KCNMA1: variants seen among roughly 807,000 people sequenced by gnomAD.
KCNMA1 encodes the protein Calcium-activated potassium channel subunit alpha-1.
KCNMA1 carries 29 observed loss-of-function variants against 140.0 expected under a neutral mutation model. The ratio of observed to expected loss-of-function variants is 0.21; its 90% CI spans 0.15 to 0.28. The LOEUF is 0.28. Ranked by LOEUF, KCNMA1 falls within the 10% of genes least tolerant of loss-of-function variation. The pLI, the probability that KCNMA1 is intolerant of heterozygous loss-of-function variation, is 1.00. For synonymous variants in KCNMA1, 612 were observed against 611.9 expected, an observed-to-expected ratio of 1.00 and a Z score of 0.00; for missense variants, 880 against 1,602.2, an observed-to-expected ratio of 0.55 and a Z score of 7.70.
At chr10:77,612,564 G>A (rs1052344685) in intron 1 of KCNMA1, among the ~76,000 whole-genome samples, 1 of 152,214 alleles carries the variant, frequency 6.6e-6, no homozygotes. Flanking sequence ...AAGACCACAT[G>A]CAACTCATAG....
intron 14 of KCNMA1, among the ~76,000 whole-genome samples, chr10:77,041,788 G>A (rs891705853): frequency 3.3e-5 from 5 of 152,144 alleles, no homozygotes; most frequent in South Asian, 2.1e-4. Flanking sequence ...AAGCCACCCC[G>A]CCAACAGGAA....
intron 3 of KCNMA1, among the ~76,000 whole-genome samples, chr10:77,207,000 A>G (rs1364552885): frequency 6.6e-6 from 1 of 152,132 alleles, no homozygotes; most frequent in Non-Finnish European, 1.5e-5. Context: ...TTCCAACACA[A>G]GGAGTTCCTT....
intron 2 of KCNMA1, among the ~76,000 whole-genome samples, chr10:77,312,147 G>A (rs1478881587): frequency 6.6e-6 from 1 of 152,230 alleles, no homozygotes; most frequent in Non-Finnish European, 1.5e-5. Context: ...GTGAGGTGAG[G>A]GGCAGGGAGT....
At chr10:77,384,425 C>T (rs1402905113) in intron 2 of KCNMA1, among the ~76,000 whole-genome samples, 3 of 152,206 alleles carry the variant, frequency 2.0e-5, no homozygotes, top group Non-Finnish European at 4.4e-5. Flanking sequence ...TCATTGGTGG[C>T]TGACGAAGCC....
rs896969942 is a variant in KCNMA1 at position 77,556,195 on chromosome 10, T to C, written c.378+81070A>G. 3.3e-5 allele frequency among the ~76,000 whole-genome samples: 5 copies of C among 152,280 alleles called. 1 individual carries two copies. The Middle Eastern group carries it at 0.01, about 311-fold the overall frequency. Reference sequence around the variant, plus strand: ...AAAAATGGTATTATAGTTCTCAAAGTAATTGCGAGGAATTAAAAGTCAATT... The same window carrying C: ...AAAAATGGTATTATAGTTCTCAAAGCAATTGCGAGGAATTAAAAGTCAATT... On this transcript the variant is annotated intron_variant, in intron 1 of 27. Transcript: ENST00000286628.
chr10:77,089,542 G>A (rs1309422044), intron 10 of KCNMA1, among the ~76,000 whole-genome samples: 2 of 152,154 alleles, frequency 1.3e-5, no homozygotes, highest in African/African-American at 4.8e-5. Context: ...GTAGAAGGGA[G>A]ATACCTTGCT....
intron 1 of KCNMA1, among the ~76,000 whole-genome samples, chr10:77,547,534 G>C (rs2061722094): frequency 6.6e-6 from 1 of 152,146 alleles, no homozygotes; most frequent in South Asian, 2.1e-4. Flanking sequence ...TGCCCAACCG[G>C]GCCCACCTCT....
At chr10:77,059,815 T>C (rs993628395) in intron 14 of KCNMA1, among the ~76,000 whole-genome samples, 3 of 152,158 alleles carry the variant, frequency 2.0e-5, no homozygotes, top group African/African-American at 7.2e-5. Flanking sequence ...AAAAGATGTC[T>C]ACTCCCACTC....
chr10:77,059,601 C>A (rs2095663739), intron 14 of KCNMA1, among the ~76,000 whole-genome samples: 1 of 152,068 alleles, frequency 6.6e-6, no homozygotes. Flanking sequence ...AGAAAAACTA[C>A]ATGATCCTAT....
intron 20 of KCNMA1, among the ~76,000 whole-genome samples, chr10:76,961,765 T>C (rs2071560196): frequency 6.6e-6 from 1 of 152,214 alleles, no homozygotes. Context: ...TAAAACTCAC[T>C]GATGACTCAG....
intron 2 of KCNMA1, among the ~76,000 whole-genome samples, chr10:77,275,297 C>T (rs559586925): frequency 6.6e-6 from 1 of 152,064 alleles, no homozygotes; most frequent in East Asian, 1.9e-4. Flanking sequence ...ACCCAGAAAA[C>T]CTGGGCTCTT....
chr10:77,212,457 G>A (rs1436068520), intron 3 of KCNMA1, among the ~76,000 whole-genome samples: 2 of 152,022 alleles, frequency 1.3e-5, no homozygotes, highest in South Asian at 2.1e-4. Context: ...GAGAGGGGAG[G>A]GAAAGGACCG....
intron 10 of KCNMA1, among the ~76,000 whole-genome samples, chr10:77,087,183 G>A (rs1283149075): frequency 6.6e-6 from 1 of 152,138 alleles, no homozygotes; most frequent in Non-Finnish European, 1.5e-5. Context: ...GACTGGGGTT[G>A]ACATTGGCTC....
At position 77,251,925 on chromosome 10, in the gene KCNMA1, T is replaced by A. The variant is rs1488150614; in HGVS notation, c.541-669A>T. The stretch of plus-strand genomic sequence containing the variant: ...AAGATCACAAATTTGCTCGTACAAA[T>A]GTCCGTGTGTGTATGTGTGGACATA... On this transcript the variant is annotated intron_variant, in intron 2 of 27. Transcript: ENST00000286628. 2.6e-5 allele frequency among the ~76,000 whole-genome samples: 4 copies of A among 152,324 alleles called. No individual in the cohort carries two copies. In the South Asian group the frequency reaches 8.3e-4, roughly 32 times the overall value.
At chr10:76,994,936 C>T (rs940866459) in intron 19 of KCNMA1, among the ~76,000 whole-genome samples, 5 of 152,200 alleles carry the variant, frequency 3.3e-5, no homozygotes, top group Non-Finnish European at 7.3e-5. Flanking sequence ...ACCCACTGTC[C>T]GTTTCTGTCT....
At chr10:77,460,210 G>A (rs527510329) in intron 1 of KCNMA1, among the ~76,000 whole-genome samples, 3 of 152,124 alleles carry the variant, frequency 2.0e-5, no homozygotes, top group East Asian at 1.9e-4. Flanking sequence ...ATGAATGTTC[G>A]TTGATAAAGT....
intron 18 of KCNMA1, among the ~76,000 whole-genome samples, chr10:77,011,428 C>T (rs980412629): frequency 1.1e-4 from 17 of 152,140 alleles, no homozygotes; most frequent in Non-Finnish European, 2.1e-4. Context: ...AACTGAAGCC[C>T]TTTGGCAGTG....
At chr10:76,894,975 A>G (rs1364184738) in intron 25 of KCNMA1, among the ~76,000 whole-genome samples, 1 of 152,194 alleles carries the variant, frequency 6.6e-6, no homozygotes, top group Non-Finnish European at 1.5e-5. Context: ...AAAGGCAGAA[A>G]TGAAACCCAC....
intron 5 of KCNMA1, among the ~76,000 whole-genome samples, chr10:77,156,026 G>A (rs1461775966): frequency 6.6e-6 from 1 of 152,014 alleles, no homozygotes; most frequent in Non-Finnish European, 1.5e-5. Context: ...AGGAGATCGA[G>A]ACCATCCTGG....
Sources: allele counts gnomAD v4.1 joint callset (sites outside exome capture counted in the v4.1 genomes callset), GRCh38; gene constraint gnomAD v4.1.1; transcripts MANE v1.5; gene names NCBI Gene and HGNC (gene_info 2026-07-23, HGNC 2026-07-21).